DHODH: variants seen among roughly 807,000 people sequenced by gnomAD.
The protein encoded by DHODH is dihydroorotate dehydrogenase (quinone), mitochondrial.
In DHODH, 30 loss-of-function variants were observed where a neutral mutation model predicts 39.7. The observed-to-expected ratio is 0.76, with a 90% CI of 0.57 to 1.02. The LOEUF is 1.02. DHODH is among the 50% of genes least tolerant of loss of function. The pLI, the probability that DHODH is intolerant of heterozygous loss-of-function variation, is 0.00. For synonymous variants in DHODH, 222 were observed against 213.8 expected (o/e 1.04, Z -0.34); for missense variants, 531 against 520.8 (o/e 1.02, Z -0.19).
chr16:72,011,990 G>T lies in DHODH; in HGVS notation c.22-60G>T, dbSNP rs996225665. 6.9e-6 allele frequency: 10 copies of T among 1,439,076 alleles called. No homozygotes were observed. In the African/African-American group the frequency reaches 1.4e-4, roughly 20 times the overall value. 89.1% of individuals were successfully genotyped at this position (1,439,076 alleles called of 1,614,324 possible). A position where few individuals can be genotyped will look rare whatever the true frequency, so the allele number is the denominator to read the frequency against. ...CCCTCTGTGTACCTGGGTGTGAAGGGCTCAGGAAGGGTGCTGCAGCCTGGC... is the reference window on the plus strand; with the variant it reads ...CCCTCTGTGTACCTGGGTGTGAAGGTCTCAGGAAGGGTGCTGCAGCCTGGC... On this transcript the variant is annotated intron_variant, in intron 1 of 8. Coordinates refer to ENST00000219240, the MANE Select transcript of DHODH (RefSeq NM_001361.5).
chr16:72,027,486 C>G lies in DHODH; in HGVS notation c.*3287C>G, dbSNP rs1457027011. ...GCCACACTCAGACACCAGAGCAGCTCTCAATGCTGGGAATCCTGGGAGACT... is the reference window on the plus strand; with the variant it reads ...GCCACACTCAGACACCAGAGCAGCTGTCAATGCTGGGAATCCTGGGAGACT... On this transcript the variant is annotated 3_prime_UTR_variant, in exon 9 of 9. Transcript: ENST00000219240. 1 of 152,230 alleles carries G rather than the reference C, an allele frequency of 6.6e-6. No homozygotes were observed. Among genetic ancestry groups the G allele is most frequent in the East Asian group, 1.9e-4 (1 of 5,182 alleles). The allele number at this position is 152,230 out of a possible 1,614,324, so 9.4% of individuals were successfully genotyped here.
chr16:72,020,005 C>T (rs1352223860), intron 4 of DHODH, among the ~76,000 whole-genome samples: 1 of 151,610 alleles, frequency 6.6e-6, no homozygotes, highest in Admixed American at 6.6e-5. Context: ...AGGCCGGTTG[C>T]AGTGGCTCAC....
chr16:72,024,195 G>A lies in DHODH; in HGVS notation c.1184G>A (p.Arg395Lys), dbSNP rs771292735. 1 of 1,614,226 alleles carries A rather than the reference G, an allele frequency of 6.2e-7. No individual in the cohort carries two copies. The highest frequency in any genetic ancestry group is 2.2e-5 in the East Asian group (1 of 44,878). The change falls in exon 9 of 9, where the codon AGG becomes AAG. Residue 395 changes from arginine (R) to lysine (K), a missense_variant. Coordinates refer to ENST00000219240, the MANE Select transcript of DHODH (RefSeq NM_001361.5). Reference protein sequence around the residue: ...VTDAIGADHRR With the variant: ...VTDAIGADHRK ...GATGCCATTGGAGCAGATCATCGGA[G>A]GTGAGGACAGCGTCTGACGGGAAGC...
In DHODH at chr16:72,023,164, G is replaced by T; in HGVS notation, c.820-1G>T. Reference sequence around the variant, plus strand: ...GGCTTTTTCTCTATCTCGCACTGCAGTTGGGCATCGATGGGCTGATTGTTA... The same window carrying T: ...GGCTTTTTCTCTATCTCGCACTGCATTTGGGCATCGATGGGCTGATTGTTA... On this transcript the variant is annotated splice_acceptor_variant, in intron 6 of 8. Coordinates refer to ENST00000219240, the MANE Select transcript of DHODH (RefSeq NM_001361.5). LOFTEE classifies it high-confidence loss of function. The T allele has an allele frequency of 6.2e-7, 1 of 1,614,152 alleles. No individual in the cohort carries two copies. The highest frequency in any genetic ancestry group is 8.5e-7 in the Non-Finnish European group (1 of 1,180,018).
intron 5 of DHODH, 135 bp downstream of exon 5, chr16:72,021,446 A>C (rs1266477421): frequency 1.1e-6 from 1 of 889,716 alleles, no homozygotes; most frequent in Non-Finnish European, 1.8e-6. Flanking sequence ...ACCCCTGGCT[A>C]TACCTTCCCA....
rs752434744 is a variant in DHODH, at chr16:72,017,133, TTTCTTATTTA to T, written c.517+30_517+39del. ...TAAAGTGGGGTTGTGTCAGTGGGCCTTTCTTATTTATTAGGAGGAAACGTGGGAGAAATGC... is the reference window on the plus strand; with the variant it reads ...TAAAGTGGGGTTGTGTCAGTGGGCCTTTAGGAGGAAACGTGGGAGAAATGC... On this transcript the variant is annotated intron_variant, in intron 4 of 8. Transcript: ENST00000219240. The T allele has an allele frequency of 6.8e-6, 11 of 1,606,560 alleles. No homozygotes were observed. The South Asian group carries it at 1.1e-4, about 16-fold the overall frequency.
intron 1 of DHODH, among the ~76,000 whole-genome samples, chr16:72,010,738 G>A (rs1052366379): frequency 6.6e-6 from 1 of 152,122 alleles, no homozygotes. Context: ...GTCTTTGTAT[G>A]TATACATTTT....
chr16:72,022,556 G>A (rs1275800229), intron 6 of DHODH, 81 bp downstream of exon 6: 1 of 1,158,444 alleles, frequency 8.6e-7, no homozygotes, highest in Non-Finnish European at 1.2e-6. Flanking sequence ...GCCCAGAATG[G>A]CGTTCTTTGT....
intron 3 of DHODH, chr16:72,016,770 G>A (rs1017083593): frequency 4.3e-6 from 2 of 460,292 alleles, no homozygotes; most frequent in Admixed American, 3.2e-5. Flanking sequence ...GATCCAGCAG[G>A]TCTGGGGCAG....
rs8057016 is a variant in DHODH at position 72,012,312 on chromosome 16, G to T, written c.234+50G>T. On this transcript the variant is annotated intron_variant, in intron 2 of 8. Transcript: ENST00000219240. ...ATTAAATACAAAGGCGAAGGCTGCAGTCCCCTAAACTTCTCAGCTGGGACT... is the reference window on the plus strand; with the variant it reads ...ATTAAATACAAAGGCGAAGGCTGCATTCCCCTAAACTTCTCAGCTGGGACT... 86,820 of 1,560,862 alleles carry T rather than the reference G, an allele frequency of 0.056. 5,007 individuals are homozygous for T. Among genetic ancestry groups the T allele is most frequent in the African/African-American group, 0.3 (22,500 of 73,888 alleles).
intron 4 of DHODH, 94 bp from the exon 5 acceptor site, chr16:72,021,030 G>A (rs1444051255): frequency 1.3e-5 from 17 of 1,307,414 alleles, no homozygotes; most frequent in East Asian, 2.5e-5. Context: ...GAAGGCCTGC[G>A]CGGCTGTCCA....
chr16:72,017,770 C>CTTGTTTTTTTTTTTT (rs2041158091), intron 4 of DHODH, among the ~76,000 whole-genome samples: 1 of 103,800 alleles, frequency 9.6e-6, no homozygotes, highest in Non-Finnish European at 1.8e-5. Context: ...AAACAACATG[C>CTTGTTTTTTTTTTTT]TTTTTTTTTT....
At chr16:72,010,038 G>A (rs2143966680) in intron 1 of DHODH, among the ~76,000 whole-genome samples, 1 of 152,294 alleles carries the variant, frequency 6.6e-6, no homozygotes, top group South Asian at 2.1e-4. Flanking sequence ...GTGGGCTACC[G>A]CGCCCAGCCA....
At position 72,021,242 on chromosome 16, in the gene DHODH, G is replaced by A. The variant is rs540401962; in HGVS notation, c.636G>A (p.Val212=). 1.2e-6 allele frequency: 2 copies of A among 1,613,012 alleles called. No homozygotes were observed. Among genetic ancestry groups the A allele is most frequent in the Non-Finnish European group, 1.7e-6 (2 of 1,179,686 alleles). Residue 212 remains valine, a synonymous_variant, in exon 5 of 9, where the codon GTG becomes GTA. Transcript: ENST00000219240. Reference sequence around the variant, plus strand: ...TGGCCGACTACCTGGTGGTGAATGTGTCCAGCCCCAACACTGCCGGGCTGC... The same window carrying A: ...TGGCCGACTACCTGGTGGTGAATGTATCCAGCCCCAACACTGCCGGGCTGC... ...GPLADYLVVN[V]SSPNTAGLRS... is the part of the protein sequence containing the mutation.
rs1030965375 is a variant in DHODH at position 72,021,447 on chromosome 16, T to C, written c.705+136T>C. On this transcript the variant is annotated intron_variant, in intron 5 of 8. Coordinates refer to ENST00000219240, the MANE Select transcript of DHODH (RefSeq NM_001361.5). ...CCTAGACCAGTAGGACCCCTGGCTA[T>C]ACCTTCCCAGAGTCCCCTCTGATCC... is the stretch of plus-strand genomic sequence containing the variant. 23 of 889,174 alleles carry C rather than the reference T, an allele frequency of 2.6e-5. No homozygotes were observed. The East Asian group carries it at 6.1e-4, about 24-fold the overall frequency. 55.1% of individuals were successfully genotyped at this position (889,174 alleles called of 1,614,324 possible).
Position 72,021,283 on chromosome 16 carries a change from A to G in DHODH, c.677A>G (p.Lys226Arg), listed in dbSNP as rs771282792. ...GCCGGGCTGCGGAGCCTTCAGGGAA[A>G]GGCCGAGCTGCGCCGCCTGCTGACC... Reference protein sequence around the residue: ...NTAGLRSLQGKAELRRLLTKV... With the variant: ...NTAGLRSLQGRAELRRLLTKV... The change falls in exon 5 of 9, where the codon AAG (lysine) becomes AGG (arginine). Residue 226 changes from lysine to arginine, a missense_variant. Lys to Arg is a conservative substitution (Grantham distance 26). Transcript: ENST00000219240. The G allele has an allele frequency of 1.2e-6, 2 of 1,611,250 alleles. No homozygotes were observed. Among genetic ancestry groups the G allele is most frequent in the Non-Finnish European group, 1.7e-6 (2 of 1,179,324 alleles).
chr16:72,020,359 ATATATATATATATT>A (rs1567572887), intron 4 of DHODH: 23 of 69,082 alleles, frequency 3.3e-4, no homozygotes, highest in African/African-American at 1.3e-3. Flanking sequence ...ATATATGTGT[ATATATATATATATT>A]TTTTTTTTTT....
chr16:72,008,976 G>A, intron 1 of DHODH, 191 bp downstream of exon 1: 1 of 1,482,178 alleles, frequency 6.7e-7, no homozygotes. Context: ...TCGGTCAGGC[G>A]TGTGCAGACA....
chr16:72,020,472 C>T (rs966928342), intron 4 of DHODH: 1 of 150,280 alleles, frequency 6.7e-6, no homozygotes, highest in Non-Finnish European at 1.5e-5. Flanking sequence ...AATCCTACTT[C>T]AGCCTCCCGA....
Sources: gnomAD v4.1 joint callset for allele counts (sites outside exome capture counted in the v4.1 genomes callset) on GRCh38, gnomAD v4.1.1 for gene constraint, MANE v1.5 for transcripts, NCBI Gene and HGNC (gene_info 2026-07-23, HGNC 2026-07-21) for gene names.